SLC2A2: variants seen among roughly 807,000 people sequenced by gnomAD.
SLC2A2 encodes the protein solute carrier family 2, facilitated glucose transporter member 2.
Under a neutral mutation model 54.5 loss-of-function variants are expected in SLC2A2, and 36 were observed. The ratio of observed to expected loss-of-function variants is 0.66; its 90% confidence interval spans 0.51 to 0.87. The LOEUF (loss-of-function observed/expected upper bound fraction) is 0.87. SLC2A2 is among the 40% of genes least tolerant of loss of function. The probability of loss-of-function intolerance (pLI) is 0.00; values close to 1 mark genes in which losing one functional copy is unlikely to be tolerated. For synonymous variants in SLC2A2, 223 were observed against 219.1 expected (o/e 1.02, Z -0.16); for missense variants, 543 against 624.3 (o/e 0.87, Z 1.39).
At chr3:171,015,381 A>G (rs941626227) in intron 2 of SLC2A2, among the ~76,000 whole-genome samples, 1 of 152,050 alleles carries the variant, frequency 6.6e-6, no homozygotes, top group African/African-American at 2.4e-5. Context: ...CTGAAGCGGG[A>G]GGATTGCTTG....
At chr3:171,012,486 C>T (rs1371008586) in intron 3 of SLC2A2, among the ~76,000 whole-genome samples, 1 of 152,140 alleles carries the variant, frequency 6.6e-6, no homozygotes, top group Non-Finnish European at 1.5e-5. Flanking sequence ...TCTTCTCTAC[C>T]GTACCCTGGT....
Position 171,018,534 on chromosome 3 carries a change from T to C in SLC2A2, c.105A>G (p.Gln35=), listed in dbSNP as rs2108261965. ...AACTTCTACATATTTCACTTGCCTG[T>C]TGAGGTGCATTGATCACACCAATGT... ...GYDIGVINAP[Q]QVIISHYRHV... Residue 35 remains glutamine, a synonymous_variant, in exon 2 of 11, where the codon CAA becomes CAG. Coordinates refer to ENST00000314251, the MANE Select transcript of SLC2A2 (RefSeq NM_000340.2). 1 of 1,605,040 alleles carries C rather than the reference T, an allele frequency of 6.2e-7. No homozygotes were observed. Among genetic ancestry groups the C allele is most frequent in the Non-Finnish European group, 8.5e-7 (1 of 1,171,682 alleles).
intron 8 of SLC2A2, 141 bp from the exon 9 acceptor site, chr3:170,999,307 A>C: frequency 1.4e-6 from 1 of 694,200 alleles, no homozygotes; most frequent in Non-Finnish European, 2.6e-6. Context: ...ATTTTACAGG[A>C]GTGAGATCAA....
rs1309197020 is a variant in SLC2A2 at position 170,998,313 on chromosome 3, G to C, written c.1254C>G (p.Ile418Met). The stretch of plus-strand genomic sequence containing the variant: ...AAAACTCAGCCACCATGAACCAGGG[G>C]ATCGGGCCTGGCCCAATTTCAAAGA... Reference protein sequence around the residue: ...VSFFEIGPGPIPWFMVAEFFS... With the variant: ...VSFFEIGPGPMPWFMVAEFFS... The change falls in exon 10 of 11, where the codon ATC becomes ATG. Residue 418 changes from isoleucine to methionine, a missense_variant. Transcript: ENST00000314251. 1.2e-6 allele frequency: 2 copies of C among 1,613,738 alleles called. No individual in the cohort carries two copies. Among genetic ancestry groups the C allele is most frequent in the Non-Finnish European group, 1.7e-6 (2 of 1,179,752 alleles).
At chr3:171,006,224 G>T in intron 5 of SLC2A2, 119 bp from the exon 6 acceptor site, 1 of 828,018 alleles carries the variant, frequency 1.2e-6, no homozygotes, top group Non-Finnish European at 1.9e-6. Context: ...TTTGGTTCAA[G>T]TAAAAACGGA....
intron 3 of SLC2A2, 64 bp from the exon 4 acceptor site, chr3:171,010,146 CA>C: frequency 6.5e-7 from 1 of 1,533,438 alleles, no homozygotes; most frequent in Non-Finnish European, 9.0e-7. Flanking sequence ...TATTCGCTTT[CA>C]GAGCATGTTG....
At chr3:171,007,039 C>A (rs974686217) in intron 5 of SLC2A2, 109 bp downstream of exon 5, 3 of 739,024 alleles carry the variant, frequency 4.1e-6, no homozygotes, top group Non-Finnish European at 7.4e-6. Flanking sequence ...CAGGGAGGGA[C>A]GAGATGGATG....
chr3:171,001,147 A>C (rs1169065396), intron 8 of SLC2A2, among the ~76,000 whole-genome samples: 1 of 152,014 alleles, frequency 6.6e-6, no homozygotes, highest in Non-Finnish European at 1.5e-5. Flanking sequence ...CAAAAATGAA[A>C]CTTTACAGAA....
intron 1 of SLC2A2, among the ~76,000 whole-genome samples, chr3:171,022,269 G>A (rs1716497249): frequency 6.6e-6 from 1 of 152,184 alleles, no homozygotes; most frequent in Admixed American, 6.5e-5. Context: ...GTCAGATACA[G>A]ACATTCAAAA....
intron 8 of SLC2A2, among the ~76,000 whole-genome samples, chr3:171,000,326 T>G (rs888624490): frequency 2.0e-5 from 3 of 152,132 alleles, no homozygotes; most frequent in African/African-American, 7.2e-5. Flanking sequence ...TGTTCAAAAC[T>G]GGCTTGGTGC....
chr3:171,021,874 G>A (rs11720145), intron 1 of SLC2A2, among the ~76,000 whole-genome samples: 31,422 of 152,068 alleles, frequency 0.21, 4,595 homozygotes, highest in African/African-American at 0.42. Flanking sequence ...GCCAGTAATG[G>A]GCAGGTCAGG....
chr3:171,014,615 G>T lies in SLC2A2; in HGVS notation c.225C>A (p.Asn75Lys). The T allele has an allele frequency of 1.2e-6, 2 of 1,614,134 alleles. No homozygotes were observed. Among genetic ancestry groups the T allele is most frequent in the South Asian group, 2.2e-5 (2 of 91,080 alleles). The change falls in exon 3 of 11, where the codon AAC (asparagine) becomes AAA (lysine). Residue 75 changes from asparagine to lysine, a missense_variant. By Grantham distance (94) the Asn-to-Lys change is moderately conservative. Coordinates refer to ENST00000314251, the MANE Select transcript of SLC2A2 (RefSeq NM_000340.2). The part of the protein sequence containing the change: ...DELPTISYSM[N>K]PKPTPWAEEE... ...CCTCAGCCCAAGGGGTTGGTTTTGG[G>T]TTCATTGAGTATGAGATTGTGGGCA...
chr3:171,022,222 C>G (rs79542541), intron 1 of SLC2A2, among the ~76,000 whole-genome samples: 3 of 152,182 alleles, frequency 2.0e-5, no homozygotes, highest in Non-Finnish European at 4.4e-5. Flanking sequence ...CCAGATCTTA[C>G]GCTTTTAACT....
chr3:171,015,235 G>A (rs925148003), intron 2 of SLC2A2, among the ~76,000 whole-genome samples: 2 of 152,104 alleles, frequency 1.3e-5, no homozygotes, highest in Non-Finnish European at 2.9e-5. Flanking sequence ...TTGGGAGGCC[G>A]AGGTGGGCGG....
At chr3:171,026,526 A>T in intron 1 of SLC2A2, 130 bp downstream of exon 1, 1 of 814,602 alleles carries the variant, frequency 1.2e-6, no homozygotes, top group Non-Finnish European at 2.2e-6. Flanking sequence ...TCAATTGGCA[A>T]AGTAAAGAGA....
At position 170,997,861 on chromosome 3, in the gene SLC2A2, C is replaced by T. The variant is rs772567944; in HGVS notation, c.*42G>A. 4.0e-6 allele frequency: 6 copies of T among 1,485,612 alleles called. No individual in the cohort carries two copies. 92.0% of individuals were successfully genotyped at this position (1,485,612 alleles called of 1,614,324 possible). On this transcript the variant is annotated 3_prime_UTR_variant, in exon 11 of 11. Transcript: ENST00000314251. ...AATCATCATTTAAAAACAGACGGTT[C>T]CCTTATTGTTTCTGTTCATGTCAAA...
intron 2 of SLC2A2, among the ~76,000 whole-genome samples, chr3:171,017,143 C>G (rs141194399): frequency 1.3e-5 from 2 of 152,112 alleles, no homozygotes; most frequent in African/African-American, 4.8e-5. Context: ...TGAGCCACTG[C>G]GCCCGGCCAG....
At chr3:171,002,522 T>G in intron 8 of SLC2A2, 54 bp downstream of exon 8, 4 of 1,100,586 alleles carry the variant, frequency 3.6e-6, no homozygotes, top group Non-Finnish European at 2.8e-6. Flanking sequence ...CCACCCCTCC[T>G]GCAATTTCTG....
At chr3:171,000,806 AT>A (rs1715300865) in intron 8 of SLC2A2, among the ~76,000 whole-genome samples, 1 of 152,132 alleles carries the variant, frequency 6.6e-6, no homozygotes, top group African/African-American at 2.4e-5. Context: ...GCATATTTCT[AT>A]TTGCATATTT....
Sources: gnomAD v4.1 joint callset for allele counts (sites outside exome capture counted in the v4.1 genomes callset) on GRCh38, gnomAD v4.1.1 for gene constraint, MANE v1.5 for transcripts, NCBI Gene and HGNC (gene_info 2026-07-23, HGNC 2026-07-21) for gene names.